The following CLIP2 variants were observed in gnomAD, a reference collection of about 807,000 sequenced individuals.
The protein encoded by CLIP2 is CAP-Gly domain-containing linker protein 2.
CLIP2 carries 41 observed loss-of-function variants against 111.7 expected under a neutral mutation model. The observed-to-expected ratio is 0.37, with a 90% CI of 0.29 to 0.48. The LOEUF (loss-of-function observed/expected upper bound fraction) is 0.48. Ranked by LOEUF, CLIP2 falls within the 20% of genes least tolerant of loss-of-function variation. The pLI is 0.99. For synonymous variants in CLIP2, 660 were observed against 644.2 expected (o/e 1.02, Z -0.37); for missense variants, 1,160 against 1,422.1 (o/e 0.82, Z 2.96).
At chr7:74,385,805 C>T (rs1198518067) in intron 11 of CLIP2, among the ~76,000 whole-genome samples, 18 of 143,478 alleles carry the variant, frequency 1.3e-4, no homozygotes, top group Admixed American at 1.0e-3. Context: ...TGCGATGGTG[C>T]GATCTCTGCT....
intron 2 of CLIP2, among the ~76,000 whole-genome samples, chr7:74,324,446 A>C (rs1210037812): frequency 1.3e-5 from 2 of 152,096 alleles, no homozygotes. Flanking sequence ...GTGGCGTGCC[A>C]CCTGCTTCCT....
At chr7:74,402,099 G>A (rs954167124) in intron 16 of CLIP2, among the ~76,000 whole-genome samples, 7 of 151,982 alleles carry the variant, frequency 4.6e-5, no homozygotes, top group Admixed American at 1.3e-4. Context: ...TCCATCTGGC[G>A]GGCGGATCAC....
At chr7:74,326,593 A>G (rs1396383956) in intron 2 of CLIP2, among the ~76,000 whole-genome samples, 3 of 151,054 alleles carry the variant, frequency 2.0e-5, no homozygotes, top group African/African-American at 4.9e-5. Context: ...CCTATATGCT[A>G]TCCTCAGCTG....
At chr7:74,401,480 T>G (rs782634835) in intron 15 of CLIP2, 25 bp from the exon 16 acceptor site, 4 of 1,612,914 alleles carry the variant, frequency 2.5e-6, no homozygotes, top group Non-Finnish European at 3.4e-6. Flanking sequence ...TGCACCTGGC[T>G]CAGTGTCTCC....
chr7:74,363,087 CT>C (rs1790378745), intron 7 of CLIP2, among the ~76,000 whole-genome samples: 1 of 152,074 alleles, frequency 6.6e-6, no homozygotes, highest in Non-Finnish European at 1.5e-5. Context: ...TCACCGCAAC[CT>C]CTGCCTTTTG....
chr7:74,322,466 G>T (rs535452684), intron 2 of CLIP2, among the ~76,000 whole-genome samples: 2 of 151,986 alleles, frequency 1.3e-5, no homozygotes, highest in South Asian at 4.2e-4. Context: ...AAATTAGCCT[G>T]GCATGGTGGT....
chr7:74,373,061 G>A, intron 9 of CLIP2, 25 bp downstream of exon 9: 1 of 1,513,442 alleles, frequency 6.6e-7, no homozygotes, highest in South Asian at 1.2e-5. Context: ...GCACCCGCCT[G>A]GCCCGCCAGC....
At chr7:74,332,460 CTTT>C (rs386410474) in intron 2 of CLIP2, among the ~76,000 whole-genome samples, 16 of 110,320 alleles carry the variant, frequency 1.5e-4, no homozygotes, top group South Asian at 3.1e-4. Context: ...CTAGAATTCT[CTTT>C]TTTTTTTTTT....
Position 74,405,464 on chromosome 7 carries a change from C to T in CLIP2, c.*1616C>T, listed in dbSNP as rs1447458204. 1 of 152,768 alleles carries T rather than the reference C, an allele frequency of 6.5e-6. No homozygotes were observed. Among genetic ancestry groups the T allele is most frequent in the African/African-American group, 2.4e-5 (1 of 41,436 alleles). The allele number at this position is 152,768 out of a possible 1,614,324, so 9.5% of individuals were successfully genotyped here. A position where few individuals can be genotyped will look rare whatever the true frequency, so the allele number is the denominator to read the frequency against. On this transcript the variant is annotated 3_prime_UTR_variant, in exon 17 of 17. Coordinates refer to ENST00000223398, the MANE Select transcript of CLIP2 (RefSeq NM_003388.5). ...GGTACAGGTAGGTGGCGCTCACGTT[C>T]CTGCCCAAATGCAGCCCATCGGGGA...
intron 1 of CLIP2, among the ~76,000 whole-genome samples, chr7:74,311,657 C>T (rs1788643359): frequency 1.3e-5 from 2 of 152,138 alleles, no homozygotes. Context: ...CACCTGTAAC[C>T]CCAGCACTTC....
intron 2 of CLIP2, among the ~76,000 whole-genome samples, chr7:74,318,455 G>A (rs1005996390): frequency 2.0e-4 from 31 of 152,150 alleles, no homozygotes; most frequent in Admixed American, 1.4e-3. Flanking sequence ...GCTCATGCCT[G>A]TAATCTCAGC....
At chr7:74,306,309 C>T (rs1379262069) in intron 1 of CLIP2, among the ~76,000 whole-genome samples, 1 of 152,126 alleles carries the variant, frequency 6.6e-6, no homozygotes, top group African/African-American at 2.4e-5. Flanking sequence ...GGCATGAGCA[C>T]CCCAGCTGCT....
chr7:74,290,934 G>T (rs1787998020), intron 1 of CLIP2, among the ~76,000 whole-genome samples: 1 of 152,126 alleles, frequency 6.6e-6, no homozygotes, highest in Non-Finnish European at 1.5e-5. Context: ...CATAGAGGGG[G>T]TCCCCTGGAG....
chr7:74,354,893 C>G (rs1554308207), intron 4 of CLIP2, among the ~76,000 whole-genome samples: 1 of 152,170 alleles, frequency 6.6e-6, no homozygotes, highest in African/African-American at 2.4e-5. Flanking sequence ...GCTATATGGC[C>G]AGAGGCAGGC....
At chr7:74,394,245 A>ATTTTTTTTTTTTTTTTTTTTTTTTT (rs56651501) in intron 13 of CLIP2, among the ~76,000 whole-genome samples, 1 of 117,410 alleles carries the variant, frequency 8.5e-6, no homozygotes. Context: ...TTTTCTTCTT[A>ATTTTTTTTTTTTTTTTTTTTTTTTT]TTTTTTTTTT....
intron 1 of CLIP2, among the ~76,000 whole-genome samples, chr7:74,292,588 A>G (rs1459984403): frequency 3.3e-5 from 5 of 151,994 alleles, no homozygotes; most frequent in African/African-American, 1.2e-4. Flanking sequence ...GGGTTTCACC[A>G]TGTTGATCAA....
intron 1 of CLIP2, among the ~76,000 whole-genome samples, chr7:74,304,184 T>G (rs1415675096): frequency 1.3e-5 from 2 of 151,798 alleles, no homozygotes; most frequent in African/African-American, 4.8e-5. Context: ...GTGCTAGGAT[T>G]GCAGGCGTGA....
intron 3 of CLIP2, among the ~76,000 whole-genome samples, chr7:74,344,286 G>T (rs567368785): frequency 1.3e-5 from 2 of 152,300 alleles, no homozygotes; most frequent in Admixed American, 6.6e-5. Context: ...AGGGGGCTGG[G>T]CTATCTTGAC....
chr7:74,300,235 C>T (rs1554726616), intron 1 of CLIP2, among the ~76,000 whole-genome samples: 1 of 152,034 alleles, frequency 6.6e-6, no homozygotes, highest in Non-Finnish European at 1.5e-5. Context: ...GATTCACCCG[C>T]CTTGGCCTCC....
Sources: allele counts gnomAD v4.1 joint callset (sites outside exome capture counted in the v4.1 genomes callset), GRCh38; gene constraint gnomAD v4.1.1; transcripts MANE v1.5; gene names NCBI Gene and HGNC (gene_info 2026-07-23, HGNC 2026-07-21).